Variants in RAPGEF6 observed in about 807,000 individuals in gnomAD.
The protein encoded by RAPGEF6 is PDZ domain containing guanine nucleotide exchange factor (GEF) 2.
A neutral mutation model predicts 171.4 loss-of-function variants in RAPGEF6; 56 were observed. That is an observed-to-expected ratio of 0.33 (90% CI 0.26 to 0.41). The LOEUF (loss-of-function observed/expected upper bound fraction) is 0.41. RAPGEF6 is among the 10% of genes least tolerant of loss of function. The pLI is 1.00. For missense variants in RAPGEF6, 1,674 were observed against 1,921.4 expected (o/e 0.87, Z 2.41); for synonymous variants, 692 against 650.1 (o/e 1.06, Z -0.98).
intron 4 of RAPGEF6, among the ~76,000 whole-genome samples, chr5:131,564,178 T>C (rs1442158046): frequency 6.6e-6 from 1 of 152,078 alleles, no homozygotes; most frequent in Non-Finnish European, 1.5e-5. Flanking sequence ...AGGGGAAAGA[T>C]ACTTAGAATT....
intron 3 of RAPGEF6, among the ~76,000 whole-genome samples, chr5:131,593,994 A>G (rs1024518961): frequency 6.6e-6 from 1 of 151,962 alleles, no homozygotes; most frequent in African/African-American, 2.4e-5. Flanking sequence ...AATGTGCACA[A>G]AAGGAGCCAA....
At chr5:131,544,413 AATC>A (rs1162530504) in intron 6 of RAPGEF6, among the ~76,000 whole-genome samples, 3 of 152,088 alleles carry the variant, frequency 2.0e-5, no homozygotes, top group Admixed American at 1.3e-4. Context: ...AAGGTCTCAA[AATC>A]ATTATAATGT....
chr5:131,470,897 G>T (rs752673484), intron 17 of RAPGEF6, among the ~76,000 whole-genome samples: 15 of 152,198 alleles, frequency 9.9e-5, no homozygotes, highest in Non-Finnish European at 1.9e-4. Context: ...AGGAAGGAGG[G>T]TTGAAGTAAT....
At chr5:131,494,190 G>C (rs918967614) in intron 13 of RAPGEF6, among the ~76,000 whole-genome samples, 1 of 152,200 alleles carries the variant, frequency 6.6e-6, no homozygotes, top group African/African-American at 2.4e-5. Context: ...CATAAGATCA[G>C]GCAATGTCTG....
At chr5:131,442,559 T>C (rs1286961402) in intron 22 of RAPGEF6, 22 bp from the exon 23 acceptor site, 1 of 1,611,094 alleles carries the variant, frequency 6.2e-7, no homozygotes, top group Admixed American at 1.7e-5. Flanking sequence ...GAGTAAGAAA[T>C]AAGTAACTGC....
chr5:131,468,040 T>C (rs1754482840), intron 17 of RAPGEF6, among the ~76,000 whole-genome samples: 1 of 139,600 alleles, frequency 7.2e-6, no homozygotes. Flanking sequence ...AAAAAAAAAA[T>C]CTTGGGGTCG....
At chr5:131,431,384 G>C (rs754601259) in intron 25 of RAPGEF6, 35 bp from the exon 26 acceptor site, 4 of 1,542,912 alleles carry the variant, frequency 2.6e-6, no homozygotes, top group Non-Finnish European at 1.7e-6. Context: ...TAGAAGGCTT[G>C]CCAGAAAAAC....
chr5:131,431,653 GC>G (rs1249668668), intron 25 of RAPGEF6, among the ~76,000 whole-genome samples: 1 of 148,180 alleles, frequency 6.7e-6, no homozygotes, highest in Non-Finnish European at 1.5e-5. Context: ...TCACTCTGTT[GC>G]CCAGACCAGA....
intron 4 of RAPGEF6, among the ~76,000 whole-genome samples, chr5:131,585,496 C>A (rs765044874): frequency 3.9e-5 from 6 of 152,008 alleles, no homozygotes; most frequent in Non-Finnish European, 7.4e-5. Flanking sequence ...CTGATTGCCT[C>A]CTTTGGAGGG....
In RAPGEF6 at chr5:131,453,162, A is replaced by G; in HGVS notation, c.3092T>C (p.Val1031Ala). The G allele has an allele frequency of 6.2e-7, 1 of 1,608,906 alleles. No homozygotes were observed. Among genetic ancestry groups the G allele is most frequent in the Admixed American group, 1.7e-5 (1 of 59,348 alleles). Residue 1031 changes from valine (V) to alanine (A), a missense_variant, in exon 21 of 28, where the codon GTA becomes GCA. This residue lies in a region of RAPGEF6 where 1,116 missense variants were observed against 1,321.5 expected (regional missense o/e 0.84). Transcript: ENST00000509018. ...TFLHEGNDSK[V>A]DGLVNFEKLR... ...CTTCTCAAAGTTTACTAAACCATCT[A>G]CTTTGGAGTCATTTCCTATAGAATG...
At chr5:131,601,029 C>G (rs896802398) in intron 3 of RAPGEF6, among the ~76,000 whole-genome samples, 2 of 149,634 alleles carry the variant, frequency 1.3e-5, no homozygotes, top group African/African-American at 5.0e-5. Flanking sequence ...GCAGGAGGAT[C>G]TCTTGAGCCT....
chr5:131,537,878 A>G (rs1444465636), intron 6 of RAPGEF6, among the ~76,000 whole-genome samples: 1 of 152,082 alleles, frequency 6.6e-6, no homozygotes, highest in African/African-American at 2.4e-5. Context: ...CTATTGCTGG[A>G]GCCCACGAGT....
intron 16 of RAPGEF6, 93 bp from the exon 17 acceptor site, chr5:131,472,837 C>G: frequency 9.2e-7 from 1 of 1,087,656 alleles, no homozygotes; most frequent in Non-Finnish European, 1.3e-6. Flanking sequence ...ATAAAAGAAC[C>G]AATTCAAAGA....
chr5:131,513,348 T>C (rs1269389273), intron 7 of RAPGEF6, among the ~76,000 whole-genome samples: 6 of 152,176 alleles, frequency 3.9e-5, no homozygotes, highest in African/African-American at 1.4e-4. Context: ...CCTTTTCTAT[T>C]TTATCAATTT....
intron 4 of RAPGEF6, among the ~76,000 whole-genome samples, chr5:131,567,573 T>C (rs1376825702): frequency 6.6e-6 from 1 of 152,212 alleles, no homozygotes; most frequent in East Asian, 1.9e-4. Flanking sequence ...TATTGATTTA[T>C]AACAGAATTG....
At chr5:131,490,591 T>C (rs930967483) in intron 14 of RAPGEF6, among the ~76,000 whole-genome samples, 2 of 152,138 alleles carry the variant, frequency 1.3e-5, no homozygotes, top group South Asian at 2.1e-4. Flanking sequence ...CGCAAAGAGT[T>C]TGGACTTCTC....
chr5:131,519,282 C>T (rs761604463), intron 7 of RAPGEF6, among the ~76,000 whole-genome samples: 1 of 152,202 alleles, frequency 6.6e-6, no homozygotes, highest in Non-Finnish European at 1.5e-5. Flanking sequence ...TGTGTACAGT[C>T]CATCTTCTAG....
At chr5:131,456,327 T>C (rs749222717) in intron 19 of RAPGEF6, among the ~76,000 whole-genome samples, 5 of 152,212 alleles carry the variant, frequency 3.3e-5, no homozygotes, top group Non-Finnish European at 7.3e-5. Context: ...CATCACAATG[T>C]TGCTTGTTTT....
intron 21 of RAPGEF6, among the ~76,000 whole-genome samples, chr5:131,447,992 A>C (rs1451639486): frequency 6.6e-6 from 1 of 152,204 alleles, no homozygotes; most frequent in Non-Finnish European, 1.5e-5. Flanking sequence ...CAGGGACCAA[A>C]TGATTATAAG....
Sources: gnomAD v4.1 joint callset for allele counts (sites outside exome capture counted in the v4.1 genomes callset) on GRCh38, gnomAD v4.1.1 for gene constraint, gnomAD v4.1.1 regional missense constraint, MANE v1.5 for transcripts, NCBI Gene and HGNC (gene_info 2026-07-23, HGNC 2026-07-21) for gene names.